Variants in ADK observed in about 807,000 individuals in gnomAD.
The protein encoded by ADK is N6,N6-dimethyladenosine kinase.
A neutral mutation model predicts 44.7 loss-of-function variants in ADK; 24 were observed. The ratio of observed to expected loss-of-function variants is 0.54; its 90% CI spans 0.39 to 0.76. The LOEUF is 0.76. ADK is among the 30% of genes least tolerant of loss of function. The probability of loss-of-function intolerance (pLI) is 0.00; values close to 1 mark genes in which losing one functional copy is unlikely to be tolerated. For synonymous variants in ADK, 128 were observed against 142.6 expected (o/e 0.90, Z 0.73); for missense variants, 321 against 425.1 (o/e 0.76, Z 2.15).
chr10:74,179,345 A>G (rs1317280189), intron 1 of ADK, among the ~76,000 whole-genome samples: 1 of 152,202 alleles, frequency 6.6e-6, no homozygotes, highest in African/African-American at 2.4e-5. Context: ...GGGTCTGGGT[A>G]AAATAAGGCT....
intron 7 of ADK, among the ~76,000 whole-genome samples, chr10:74,585,384 T>C (rs887041564): frequency 6.6e-6 from 1 of 152,326 alleles, no homozygotes; most frequent in South Asian, 2.1e-4. Flanking sequence ...AATGATACTG[T>C]ATTATAGCAT....
At chr10:74,219,985 C>A (rs1195134712) in intron 2 of ADK, among the ~76,000 whole-genome samples, 1 of 146,952 alleles carries the variant, frequency 6.8e-6, no homozygotes, top group Non-Finnish European at 1.5e-5. Flanking sequence ...CAAACACATT[C>A]AAAAGCTAGC....
chr10:74,168,464 G>A (rs1261851772), intron 1 of ADK, among the ~76,000 whole-genome samples: 5 of 149,750 alleles, frequency 3.3e-5, no homozygotes, highest in Non-Finnish European at 1.5e-5. Flanking sequence ...GCATGAACCC[G>A]GGAGGCGGAG....
chr10:74,472,060 T>G (rs1199749929), intron 6 of ADK, among the ~76,000 whole-genome samples: 1 of 152,142 alleles, frequency 6.6e-6, no homozygotes, highest in Admixed American at 6.5e-5. Flanking sequence ...CACTACTGTG[T>G]TGGGCCTGGT....
chr10:74,212,531 T>A (rs1162285032), intron 2 of ADK, among the ~76,000 whole-genome samples: 1 of 152,184 alleles, frequency 6.6e-6, no homozygotes, highest in Non-Finnish European at 1.5e-5. Flanking sequence ...GGAAGCTCAG[T>A]TTCCTTGTGA....
intron 9 of ADK, among the ~76,000 whole-genome samples, chr10:74,658,609 AT>A (rs890539014): frequency 4.0e-5 from 6 of 151,500 alleles, no homozygotes; most frequent in Non-Finnish European, 7.4e-5. Context: ...CTGGCTTTTA[AT>A]TTTTTTTGTA....
At chr10:74,682,722 C>T (rs1049255841) in intron 10 of ADK, among the ~76,000 whole-genome samples, 4 of 151,892 alleles carry the variant, frequency 2.6e-5, no homozygotes, top group African/African-American at 9.7e-5. Context: ...TACAGGTGTG[C>T]ACCACCACTC....
intron 6 of ADK, among the ~76,000 whole-genome samples, chr10:74,440,141 G>A (rs372592017): frequency 2.6e-5 from 4 of 151,882 alleles, no homozygotes; most frequent in African/African-American, 9.7e-5. Flanking sequence ...GCTTAGTATT[G>A]TTTAAATAAT....
intron 1 of ADK, among the ~76,000 whole-genome samples, chr10:74,154,582 A>G (rs1841699557): frequency 6.6e-6 from 1 of 151,996 alleles, no homozygotes; most frequent in African/African-American, 2.4e-5. Flanking sequence ...CCAGACCTTA[A>G]TTTTTACTGT....
intron 6 of ADK, among the ~76,000 whole-genome samples, chr10:74,509,663 A>G (rs529867789): frequency 1.3e-5 from 2 of 152,316 alleles, no homozygotes; most frequent in Non-Finnish European, 2.9e-5. Flanking sequence ...CTGCAGAGGT[A>G]TAGAATTCTA....
chr10:74,299,336 A>AG (rs1252967595), intron 3 of ADK, among the ~76,000 whole-genome samples: 3 of 149,862 alleles, frequency 2.0e-5, no homozygotes, highest in Non-Finnish European at 4.5e-5. Flanking sequence ...TCTACTTAAA[A>AG]AAAAAAAAAA....
At chr10:74,632,088 C>G (rs1269231557) in intron 9 of ADK, among the ~76,000 whole-genome samples, 1 of 152,100 alleles carries the variant, frequency 6.6e-6, no homozygotes, top group Non-Finnish European at 1.5e-5. Flanking sequence ...TTCATCATCC[C>G]AGAAACTGTC....
chr10:74,221,923 G>A (rs1251826490), intron 2 of ADK, among the ~76,000 whole-genome samples: 2 of 152,070 alleles, frequency 1.3e-5, no homozygotes, highest in Non-Finnish European at 2.9e-5. Flanking sequence ...AAACCCTAGA[G>A]GAAAACCTAG....
At chr10:74,536,837 CT>C (rs1183246291) in intron 7 of ADK, among the ~76,000 whole-genome samples, 1 of 152,044 alleles carries the variant, frequency 6.6e-6, no homozygotes, top group African/African-American at 2.4e-5. Flanking sequence ...AGAATTTCAT[CT>C]TTTTTAAGGC....
chr10:74,660,952 A>C (rs1026836856), intron 9 of ADK, among the ~76,000 whole-genome samples: 1 of 151,870 alleles, frequency 6.6e-6, no homozygotes, highest in Non-Finnish European at 1.5e-5. Flanking sequence ...GAATCGCTTG[A>C]ACTCAGGAGG....
chr10:74,440,381 T>C (rs1194300870), intron 6 of ADK, among the ~76,000 whole-genome samples: 2 of 152,122 alleles, frequency 1.3e-5, no homozygotes, highest in Admixed American at 1.3e-4. Context: ...TCAGGTCCTC[T>C]AATACCAGAG....
intron 10 of ADK, among the ~76,000 whole-genome samples, chr10:74,689,863 A>G (rs564976017): frequency 2.6e-5 from 4 of 152,228 alleles, no homozygotes; most frequent in African/African-American, 9.6e-5. Context: ...TTTCCTTACT[A>G]TCTATCACCC....
intron 3 of ADK, among the ~76,000 whole-genome samples, chr10:74,247,337 C>A (rs1211310890): frequency 6.8e-6 from 1 of 146,868 alleles, no homozygotes; most frequent in Non-Finnish European, 1.5e-5. Context: ...TGCCTGGGCT[C>A]AAGTGATCCT....
At chr10:74,183,758 T>G (rs1842643955) in intron 1 of ADK, among the ~76,000 whole-genome samples, 1 of 151,984 alleles carries the variant, frequency 6.6e-6, no homozygotes, top group African/African-American at 2.4e-5. Context: ...CCCACCCACC[T>G]CGGCCTCCCA....
Sources: allele counts gnomAD v4.1 joint callset (sites outside exome capture counted in the v4.1 genomes callset), GRCh38; gene constraint gnomAD v4.1.1; transcripts MANE v1.5; gene names NCBI Gene and HGNC (gene_info 2026-07-23, HGNC 2026-07-21).